Variants in GALNT13 observed in about 807,000 individuals in gnomAD.
GALNT13 encodes the protein UDP-GalNAc:polypeptide N-acetylgalactosaminyltransferase 13.
In GALNT13, 28 loss-of-function variants were observed where a neutral mutation model predicts 64.2. The ratio of observed to expected loss-of-function variants is 0.44; its 90% CI spans 0.32 to 0.60. The LOEUF (loss-of-function observed/expected upper bound fraction) is 0.60. Ranked by LOEUF, GALNT13 falls within the 20% of genes least tolerant of loss-of-function variation. GALNT13 has a pLI of 0.05. For missense variants in GALNT13, 577 were observed against 669.8 expected (o/e 0.86, Z 1.53); for synonymous variants, 214 against 224.6 (o/e 0.95, Z 0.42).
At chr2:153,302,255 G>A in the GALNT13 span, among the ~76,000 whole-genome samples, 1 of 151,952 alleles carries the variant, frequency 6.6e-6, no homozygotes, top group East Asian at 1.9e-4. Context: ...ACAGGTGTGA[G>A]GTTTTAACGG....
the GALNT13 span, among the ~76,000 whole-genome samples, chr2:153,254,178 C>A: frequency 6.6e-6 from 1 of 152,200 alleles, no homozygotes; most frequent in Admixed American, 6.5e-5. Context: ...GATTCACCTT[C>A]TTCCTGGTTT....
the GALNT13 span, among the ~76,000 whole-genome samples, chr2:153,571,964 A>C: frequency 6.6e-6 from 1 of 151,762 alleles, no homozygotes; most frequent in Admixed American, 6.6e-5. Context: ...TGCCTTATAG[A>C]ATGAGTTTGG....
chr2:153,557,184 G>C, the GALNT13 span, among the ~76,000 whole-genome samples: 1 of 152,102 alleles, frequency 6.6e-6, no homozygotes, highest in Non-Finnish European at 1.5e-5. Context: ...TAGATACACA[G>C]ATACTTAGCA....
At chr2:153,522,660 C>T in the GALNT13 span, among the ~76,000 whole-genome samples, 5 of 152,096 alleles carry the variant, frequency 3.3e-5, no homozygotes, top group Non-Finnish European at 7.4e-5. Flanking sequence ...TGTACATCTT[C>T]TTTCGTGTGG....
At chr2:154,028,702 T>G (rs1265646709) in intron 3 of GALNT13, among the ~76,000 whole-genome samples, 1 of 152,154 alleles carries the variant, frequency 6.6e-6, no homozygotes, top group East Asian at 1.9e-4. Context: ...AGGCTTTTCA[T>G]TCTGCTGCAT....
chr2:153,915,941 G>A (rs190416914), intron 2 of GALNT13, among the ~76,000 whole-genome samples: 7 of 152,270 alleles, frequency 4.6e-5, no homozygotes, highest in Admixed American at 3.3e-4. Flanking sequence ...GTTGCACGTA[G>A]TGTTGTAGCT....
intron 9 of GALNT13, among the ~76,000 whole-genome samples, chr2:154,320,525 G>C (rs1694566082): frequency 6.6e-6 from 1 of 152,162 alleles, no homozygotes; most frequent in South Asian, 2.1e-4. Context: ...GCTCACAGAA[G>C]TCTTTTTTTC....
intron 3 of GALNT13, among the ~76,000 whole-genome samples, chr2:154,046,467 T>C (rs1375412233): frequency 6.6e-6 from 1 of 152,196 alleles, no homozygotes; most frequent in African/African-American, 2.4e-5. Context: ...TGTAGCTATC[T>C]TACAGATCTT....
At chr2:154,256,811 T>G (rs927002640) in intron 7 of GALNT13, among the ~76,000 whole-genome samples, 1 of 151,834 alleles carries the variant, frequency 6.6e-6, no homozygotes, top group Non-Finnish European at 1.5e-5. Flanking sequence ...CAATTGACTG[T>G]TTGGTTGCTT....
intron 3 of GALNT13, among the ~76,000 whole-genome samples, chr2:154,134,543 G>C (rs978438561): frequency 6.6e-6 from 1 of 152,108 alleles, no homozygotes; most frequent in Non-Finnish European, 1.5e-5. Context: ...TAATAGATGT[G>C]ATTGAAACCA....
At chr2:154,160,283 C>A (rs1328179151) in intron 4 of GALNT13, among the ~76,000 whole-genome samples, 1 of 152,086 alleles carries the variant, frequency 6.6e-6, no homozygotes, top group Non-Finnish European at 1.5e-5. Context: ...GTAAAATTCC[C>A]AGCAGACCAA....
chr2:153,639,584 CAA>C, the GALNT13 span, among the ~76,000 whole-genome samples: 2 of 151,908 alleles, frequency 1.3e-5, no homozygotes, highest in Admixed American at 6.6e-5. Flanking sequence ...ACATCACTGG[CAA>C]AAGAGTCAAA....
chr2:153,332,359 G>A, the GALNT13 span, among the ~76,000 whole-genome samples: 1 of 152,002 alleles, frequency 6.6e-6, no homozygotes, highest in Non-Finnish European at 1.5e-5. Context: ...CCCAGATATT[G>A]TGATATGCTG....
At chr2:153,557,574 C>T in the GALNT13 span, among the ~76,000 whole-genome samples, 8 of 152,272 alleles carry the variant, frequency 5.3e-5, no homozygotes, top group African/African-American at 1.9e-4. Context: ...CTTGCTTGAA[C>T]ATTTGCAACA....
At chr2:153,096,314 T>C in the GALNT13 span, among the ~76,000 whole-genome samples, 1 of 152,062 alleles carries the variant, frequency 6.6e-6, no homozygotes, top group Non-Finnish European at 1.5e-5. Flanking sequence ...GAATGATCCA[T>C]GTACTAAGGA....
At chr2:154,243,183 AT>A (rs1689590259) in intron 6 of GALNT13, among the ~76,000 whole-genome samples, 1 of 152,222 alleles carries the variant, frequency 6.6e-6, no homozygotes, top group Admixed American at 6.5e-5. Context: ...AAATAGTATA[AT>A]TGTGTTATAA....
the GALNT13 span, among the ~76,000 whole-genome samples, chr2:153,622,749 G>T: frequency 6.6e-6 from 1 of 152,064 alleles, no homozygotes; most frequent in East Asian, 1.9e-4. Flanking sequence ...TAATAGGAAA[G>T]AAACATTTAT....
chr2:154,033,453 C>G (rs1698466640), intron 3 of GALNT13, among the ~76,000 whole-genome samples: 1 of 151,782 alleles, frequency 6.6e-6, no homozygotes. Context: ...ATAAAGAACT[C>G]ATACAACTCA....
chr2:153,161,240 A>G, the GALNT13 span, among the ~76,000 whole-genome samples: 2 of 152,150 alleles, frequency 1.3e-5, no homozygotes, highest in Non-Finnish European at 1.5e-5. Context: ...TTGCACAGTG[A>G]AAGAACTGAT....
Sources: allele counts gnomAD v4.1 joint callset (sites outside exome capture counted in the v4.1 genomes callset), GRCh38; gene constraint gnomAD v4.1.1; transcripts MANE v1.5; gene names NCBI Gene and HGNC (gene_info 2026-07-23, HGNC 2026-07-21).